The following LRMDA variants were observed in gnomAD, a reference collection of about 807,000 sequenced individuals.
The protein encoded by LRMDA is leucine-rich melanocyte differentiation-associated protein.
Under a neutral mutation model 29.8 loss-of-function variants are expected in LRMDA, and 18 were observed. The observed-to-expected ratio is 0.60, with a 90% CI of 0.42 to 0.90. The LOEUF (loss-of-function observed/expected upper bound fraction) is 0.90, where lower values mean the gene tolerates loss of function less well. Ranked by LOEUF, LRMDA falls within the 40% of genes least tolerant of loss-of-function variation. The pLI is 0.00. For missense variants in LRMDA, 273 were observed against 273.9 expected (o/e 1.00, Z 0.02); for synonymous variants, 125 against 109.4 (o/e 1.14, Z -0.89).
intron 2 of LRMDA, among the ~76,000 whole-genome samples, chr10:75,776,173 A>G (rs1234380798): frequency 6.6e-6 from 1 of 152,206 alleles, no homozygotes; most frequent in East Asian, 1.9e-4. Context: ...TTAGATGCTG[A>G]ACACTGAGGA....
chr10:76,055,867 C>T (rs927098527), intron 4 of LRMDA, among the ~76,000 whole-genome samples: 2 of 152,210 alleles, frequency 1.3e-5, no homozygotes, highest in Non-Finnish European at 2.9e-5. Flanking sequence ...ACAGCCTTTG[C>T]TTGGGGAGCT....
chr10:76,422,832 T>A (rs1055646720), intron 6 of LRMDA, among the ~76,000 whole-genome samples: 3 of 152,122 alleles, frequency 2.0e-5, no homozygotes, highest in African/African-American at 7.2e-5. Context: ...TGCCTTTGAA[T>A]CTCCCCTCTC....
intron 5 of LRMDA, among the ~76,000 whole-genome samples, chr10:76,143,683 G>GC (rs1342037514): frequency 6.6e-6 from 1 of 152,206 alleles, no homozygotes; most frequent in Non-Finnish European, 1.5e-5. Flanking sequence ...CTGTGCAGAA[G>GC]CTGTTGAGTT....
chr10:76,074,104 G>A (rs1848919196), intron 5 of LRMDA, among the ~76,000 whole-genome samples: 1 of 152,138 alleles, frequency 6.6e-6, no homozygotes, highest in Admixed American at 6.5e-5. Context: ...GGCTGATCTT[G>A]CTTTTATTTC....
intron 2 of LRMDA, among the ~76,000 whole-genome samples, chr10:75,724,748 T>C (rs1842610862): frequency 2.0e-5 from 3 of 152,174 alleles, no homozygotes; most frequent in Admixed American, 2.0e-4. Context: ...AAAACAATTA[T>C]ATTGGAGAAG....
chr10:75,581,060 T>C (rs536603388), intron 2 of LRMDA, among the ~76,000 whole-genome samples: 5 of 152,222 alleles, frequency 3.3e-5, no homozygotes, highest in African/African-American at 1.2e-4. Context: ...AAAGCCAAAA[T>C]AGACAAATGG....
intron 2 of LRMDA, among the ~76,000 whole-genome samples, chr10:75,794,067 G>T (rs1044933581): frequency 6.6e-6 from 1 of 152,204 alleles, no homozygotes; most frequent in Non-Finnish European, 1.5e-5. Context: ...TGACCAGCAG[G>T]CTGACTCCTA....
chr10:75,460,801 T>C (rs1254980900), intron 2 of LRMDA, among the ~76,000 whole-genome samples: 1 of 152,164 alleles, frequency 6.6e-6, no homozygotes, highest in East Asian at 1.9e-4. Context: ...TTCACATAAA[T>C]CTGCCATAAT....
At chr10:76,540,098 A>G (rs1241072866) in intron 6 of LRMDA, among the ~76,000 whole-genome samples, 1 of 152,130 alleles carries the variant, frequency 6.6e-6, no homozygotes, top group East Asian at 1.9e-4. Context: ...AACTTACATA[A>G]AGACACACAG....
intron 2 of LRMDA, among the ~76,000 whole-genome samples, chr10:75,605,500 CAAG>C (rs2132094435): frequency 6.6e-6 from 1 of 152,158 alleles, no homozygotes; most frequent in South Asian, 2.1e-4. Context: ...AGTCGAAGGA[CAAG>C]AAAAAGAGAA....
At chr10:76,523,246 T>A (rs1453467708) in intron 6 of LRMDA, among the ~76,000 whole-genome samples, 1 of 152,092 alleles carries the variant, frequency 6.6e-6, no homozygotes, top group Admixed American at 6.5e-5. Context: ...CGACCTGAGC[T>A]CACGCAGACT....
intron 2 of LRMDA, among the ~76,000 whole-genome samples, chr10:75,930,616 G>T (rs2132399830): frequency 6.6e-6 from 1 of 152,244 alleles, no homozygotes; most frequent in Middle Eastern, 3.4e-3. Context: ...TTGACAAGTG[G>T]TCAAGACCCT....
In LRMDA at chr10:76,511,727, A is replaced by G. The variant is rs184750124; in HGVS notation, c.602-45482A>G. Among the ~76,000 whole-genome samples, 10 of 151,920 alleles carry G rather than the reference A, an allele frequency of 6.6e-5. No individual in the cohort carries two copies. The East Asian group carries it at 1.9e-3, about 29-fold the overall frequency. ...TCAAAACATTAAAAAATTAAAGAAG[A>G]GCAAAATAATAGAAAGTCCATATTC... is the stretch of plus-strand genomic sequence containing the variant. On this transcript the variant is annotated intron_variant, in intron 6 of 6. Transcript: ENST00000611255.
At chr10:75,759,230 C>T (rs977451762) in intron 2 of LRMDA, among the ~76,000 whole-genome samples, 1 of 152,132 alleles carries the variant, frequency 6.6e-6, no homozygotes, top group East Asian at 1.9e-4. Flanking sequence ...ATTAAGCTTG[C>T]GTAGATTGCT....
intron 2 of LRMDA, among the ~76,000 whole-genome samples, chr10:75,490,803 T>C (rs1844977978): frequency 6.6e-6 from 1 of 152,216 alleles, no homozygotes; most frequent in South Asian, 2.1e-4. Flanking sequence ...TGTTTTGAAT[T>C]ATGGGTATCA....
chr10:76,096,457 T>C (rs1268541029), intron 5 of LRMDA, among the ~76,000 whole-genome samples: 12 of 152,100 alleles, frequency 7.9e-5, no homozygotes, highest in Non-Finnish European at 1.5e-5. Context: ...TTAGACTCTA[T>C]TCTATCTCAC....
intron 2 of LRMDA, among the ~76,000 whole-genome samples, chr10:75,556,712 C>T (rs1840217653): frequency 1.2e-5 from 1 of 80,286 alleles, no homozygotes; most frequent in Non-Finnish European, 3.4e-5. Flanking sequence ...ACACCTGAAG[C>T]ATAAGGGGTG....
chr10:75,826,891 T>C (rs1365530059), intron 2 of LRMDA, among the ~76,000 whole-genome samples: 1 of 152,204 alleles, frequency 6.6e-6, no homozygotes, highest in Non-Finnish European at 1.5e-5. Flanking sequence ...GTATTTTATG[T>C]GTTTAGTGGT....
intron 2 of LRMDA, among the ~76,000 whole-genome samples, chr10:75,612,946 G>T (rs2132100540): frequency 6.6e-6 from 1 of 152,164 alleles, no homozygotes; most frequent in Middle Eastern, 3.4e-3. Context: ...TTTCAACTTT[G>T]CTATTGCTTT....
Sources: gnomAD v4.1 joint callset for allele counts (sites outside exome capture counted in the v4.1 genomes callset) on GRCh38, gnomAD v4.1.1 for gene constraint, MANE v1.5 for transcripts, NCBI Gene and HGNC (gene_info 2026-07-23, HGNC 2026-07-21) for gene names.